PRR16: variants seen among roughly 807,000 people sequenced by gnomAD.
The protein encoded by PRR16 is protein Largen.
In PRR16, 6 loss-of-function variants were observed where a neutral mutation model predicts 18.2. The observed-to-expected ratio is 0.33, with a 90% CI of 0.18 to 0.65. The LOEUF is 0.65. Ranked by LOEUF, PRR16 falls within the 30% of genes least tolerant of loss-of-function variation. PRR16 has a pLI of 0.74. For missense variants in PRR16, 412 were observed against 376.6 expected, an observed-to-expected ratio of 1.09 and a Z score of -0.78; for synonymous variants, 151 against 147.8, an observed-to-expected ratio of 1.02 and a Z score of -0.16.
downstream of PRR16, chr5:120,687,471 T>C (rs1757159320): frequency 6.6e-6 from 1 of 152,208 alleles, no homozygotes; most frequent in African/African-American, 2.4e-5. Context: ...AATCAAAATC[T>C]ACACACTACA....
intron 1 of PRR16, among the ~76,000 whole-genome samples, chr5:120,504,022 C>G (rs951047642): frequency 4.6e-5 from 7 of 151,206 alleles, no homozygotes; most frequent in African/African-American, 1.7e-4. Flanking sequence ...GCCACATTTT[C>G]TTTTCTTTTC....
chr5:120,497,703 A>G (rs1208417353), intron 1 of PRR16, among the ~76,000 whole-genome samples: 1 of 151,898 alleles, frequency 6.6e-6, no homozygotes, highest in South Asian at 2.1e-4. Flanking sequence ...TGATTCTTTT[A>G]TTACATAATA....
chr5:120,750,254 A>T, the PRR16 span, among the ~76,000 whole-genome samples: 2 of 152,120 alleles, frequency 1.3e-5, no homozygotes, highest in Non-Finnish European at 2.9e-5. Context: ...CTAATAGGTA[A>T]ATTATTGATT....
At chr5:120,516,423 CAAAAAAAAAAAAAA>C (rs531146634) in intron 1 of PRR16, among the ~76,000 whole-genome samples, 1 of 52,624 alleles carries the variant, frequency 1.9e-5, no homozygotes, top group Non-Finnish European at 4.3e-5. Flanking sequence ...GATTATGTCT[CAAAAAAAAAAAAAA>C]AAAAAAAAAG....
At chr5:120,582,533 A>C (rs900951892) in intron 1 of PRR16, among the ~76,000 whole-genome samples, 1 of 152,124 alleles carries the variant, frequency 6.6e-6, no homozygotes, top group Non-Finnish European at 1.5e-5. Context: ...AAAGCAAAAC[A>C]AATAACAAAA....
chr5:120,754,581 A>ATTG, the PRR16 span, among the ~76,000 whole-genome samples: 1 of 104,638 alleles, frequency 9.6e-6, no homozygotes, highest in Admixed American at 1.3e-4. Context: ...TTTATATTTT[A>ATTG]TATATTATAT....
At chr5:120,737,003 C>G in the PRR16 span, among the ~76,000 whole-genome samples, 16 of 152,090 alleles carry the variant, frequency 1.1e-4, no homozygotes, top group Non-Finnish European at 1.9e-4. Flanking sequence ...TGAGAGAGAT[C>G]TTTAGAGTGT....
chr5:120,746,983 G>A, the PRR16 span, among the ~76,000 whole-genome samples: 1 of 152,072 alleles, frequency 6.6e-6, no homozygotes, highest in Non-Finnish European at 1.5e-5. Flanking sequence ...CAATTTAAGT[G>A]AAAAAATTAA....
chr5:120,664,735 A>G lies in PRR16; in HGVS notation c.160-21219A>G, dbSNP rs554213155. ...TGGTTTTTTGTCCTTGCGATAGTTTACTGAGAATGATGATTTCCAATTTCA... is the reference window on the plus strand; with the variant it reads ...TGGTTTTTTGTCCTTGCGATAGTTTGCTGAGAATGATGATTTCCAATTTCA... On this transcript the variant is annotated intron_variant, in intron 1 of 1. Coordinates refer to ENST00000407149, the MANE Select transcript of PRR16 (RefSeq NM_001300783.2). Among the ~76,000 whole-genome samples the G allele has an allele frequency of 8.0e-5, 12 of 150,298 alleles. No homozygotes were observed. The South Asian group carries it at 1.7e-3, about 22-fold the overall frequency.
At chr5:120,668,623 T>G (rs1389666361) in intron 1 of PRR16, among the ~76,000 whole-genome samples, 3 of 152,192 alleles carry the variant, frequency 2.0e-5, no homozygotes, top group Non-Finnish European at 4.4e-5. Flanking sequence ...TAGTGCTTCC[T>G]TCAGGAGTTC....
At chr5:120,485,495 T>C (rs186585475) in intron 1 of PRR16, among the ~76,000 whole-genome samples, 2 of 152,228 alleles carry the variant, frequency 1.3e-5, no homozygotes, top group Admixed American at 6.5e-5. Flanking sequence ...TTACAACATA[T>C]GCTGTTTGTT....
intron 1 of PRR16, among the ~76,000 whole-genome samples, chr5:120,510,908 C>T (rs1281787986): frequency 6.6e-6 from 1 of 152,196 alleles, no homozygotes; most frequent in Non-Finnish European, 1.5e-5. Context: ...TGGCTTGCCT[C>T]ATCCCTACTT....
At chr5:120,774,625 G>C in the PRR16 span, among the ~76,000 whole-genome samples, 2 of 151,972 alleles carry the variant, frequency 1.3e-5, no homozygotes, top group African/African-American at 4.8e-5. Context: ...GTAAAACCCT[G>C]ATCTTTAGGA....
the PRR16 span, among the ~76,000 whole-genome samples, chr5:120,738,169 G>A: frequency 6.6e-6 from 1 of 152,046 alleles, no homozygotes; most frequent in Non-Finnish European, 1.5e-5. Flanking sequence ...TATTTAATCA[G>A]TAGAATATGG....
At chr5:120,774,735 CAACTCTA>C in the PRR16 span, among the ~76,000 whole-genome samples, 34 of 152,248 alleles carry the variant, frequency 2.2e-4, no homozygotes, top group South Asian at 6.2e-3. Flanking sequence ...TAAACTTGTT[CAACTCTA>C]AACTCTAAAC....
At chr5:120,593,804 A>G (rs1230797581) in intron 1 of PRR16, among the ~76,000 whole-genome samples, 2 of 152,196 alleles carry the variant, frequency 1.3e-5, no homozygotes, top group Admixed American at 1.3e-4. Context: ...TGAATCTACC[A>G]CAATAAAATA....
chr5:120,746,210 T>A, the PRR16 span, among the ~76,000 whole-genome samples: 21 of 152,184 alleles, frequency 1.4e-4, no homozygotes, highest in African/African-American at 4.6e-4. Context: ...TGTTGCTGAA[T>A]GTTATCTCCG....
the PRR16 span, among the ~76,000 whole-genome samples, chr5:120,787,326 C>G: frequency 6.6e-6 from 1 of 152,058 alleles, no homozygotes; most frequent in African/African-American, 2.4e-5. Context: ...TTTAGTGGGT[C>G]TGAGGTAATG....
At chr5:120,568,807 T>A (rs1386687725) in intron 1 of PRR16, among the ~76,000 whole-genome samples, 1 of 152,096 alleles carries the variant, frequency 6.6e-6, no homozygotes, top group African/African-American at 2.4e-5. Flanking sequence ...ATCACTACAT[T>A]AACTTTTCAG....
Sources: allele counts gnomAD v4.1 joint callset (sites outside exome capture counted in the v4.1 genomes callset), GRCh38; gene constraint gnomAD v4.1.1; transcripts MANE v1.5; gene names NCBI Gene and HGNC (gene_info 2026-07-23, HGNC 2026-07-21).